The following DMXL1 variants were observed in gnomAD, a reference collection of about 807,000 sequenced individuals.
The protein encoded by DMXL1 is Dmx like 1.
A neutral mutation model predicts 319.2 loss-of-function variants in DMXL1; 99 were observed. The observed-to-expected ratio is 0.31, with a 90% CI of 0.26 to 0.37. The LOEUF is 0.37. Among genes scored for constraint, DMXL1 ranks in the 10% least tolerant of loss-of-function variants. The probability of loss-of-function intolerance (pLI) is 1.00; values close to 1 mark genes in which losing one functional copy is unlikely to be tolerated. For synonymous variants in DMXL1, 1,385 were observed against 1,235.2 expected, an observed-to-expected ratio of 1.12 and a Z score of -2.54; for missense variants, 3,745 against 3,595.6, an observed-to-expected ratio of 1.04 and a Z score of -1.06.
chr5:119,133,566 A>T lies in DMXL1; in HGVS notation c.1642A>T (p.Met548Leu). 1.9e-6 allele frequency: 3 copies of T among 1,614,200 alleles called. No homozygotes were observed. The highest frequency in any genetic ancestry group is 2.5e-6 in the Non-Finnish European group (3 of 1,180,038). ...DANSLCKSIMMYACTKNVDLA... is the reference protein window; with the variant it reads ...DANSLCKSIMLYACTKNVDLA... ...AAACTCTCTCTGTAAAAGCATAATG[A>T]TGTATGCCTGTACCAAGAATGTTGA... is the stretch of plus-strand genomic sequence containing the variant. Residue 548 changes from methionine (M) to leucine (L), a missense_variant, in exon 12 of 44, where the codon ATG (methionine) becomes TTG (leucine). By Grantham distance (15) the Met-to-Leu change is conservative. Coordinates refer to ENST00000539542, the MANE Select transcript of DMXL1 (RefSeq NM_001290321.3).
At chr5:119,132,695 G>A (rs1302473406) in intron 10 of DMXL1, 5 of 448,878 alleles carry the variant, frequency 1.1e-5, no homozygotes, top group Non-Finnish European at 2.2e-5. Context: ...AAAAAATGGA[G>A]CAAGTCCCTT....
intron 43 of DMXL1, among the ~76,000 whole-genome samples, chr5:119,245,718 T>G (rs1789626947): frequency 6.6e-6 from 1 of 151,962 alleles, no homozygotes; most frequent in South Asian, 2.1e-4. Context: ...TTTTTGTGTT[T>G]TAGTAGAGAT....
rs889096691 is a variant in DMXL1, at chr5:119,081,670, A to C, written c.87+10014A>C. On this transcript the variant is annotated intron_variant, in intron 1 of 43. Transcript: ENST00000539542. ...CCGCAGAAACAAAGATTGAAGACCA[A>C]CTTAGACTTTACCAATTTTAACCAG... 5.1e-6 allele frequency: 5 copies of C among 985,238 alleles called. No homozygotes were observed. The African/African-American group carries it at 8.7e-5, about 17-fold the overall frequency. The allele number at this position is 985,238 out of a possible 1,614,324, so 61.0% of individuals were successfully genotyped here. A position where few individuals can be genotyped will look rare whatever the true frequency, so the allele number is the denominator to read the frequency against.
intron 9 of DMXL1, among the ~76,000 whole-genome samples, chr5:119,122,713 G>A (rs1045055177): frequency 1.3e-5 from 2 of 151,694 alleles, no homozygotes; most frequent in African/African-American, 2.4e-5. Flanking sequence ...CGGGGCGGCG[G>A]GGCAGAGACG....
intron 7 of DMXL1, among the ~76,000 whole-genome samples, chr5:119,117,817 A>C (rs1037602530): frequency 6.6e-6 from 1 of 152,226 alleles, no homozygotes; most frequent in African/African-American, 2.4e-5. Context: ...CTGTTCTGCA[A>C]CTTCTTTTTT....
At position 119,105,231 on chromosome 5, in the gene DMXL1, G is replaced by A; in HGVS notation, c.337G>A (p.Ala113Thr). The A allele has an allele frequency of 6.2e-7, 1 of 1,613,028 alleles. No individual in the cohort carries two copies. The highest frequency in any genetic ancestry group is 8.5e-7 in the Non-Finnish European group (1 of 1,179,250). ...TGGCCAATTTTTTCTGGAATCAATA[G>A]CACACAATATAACCTGGGATCCCAC... Reference protein sequence around the residue: ...KSGQFFLESIAHNITWDPTGS... With the variant: ...KSGQFFLESITHNITWDPTGS... The change falls in exon 4 of 44, where the codon GCA (alanine) becomes ACA (threonine). Residue 113 changes from alanine (A) to threonine (T), a missense_variant. Physicochemically the swap from Ala to Thr is moderately conservative, Grantham distance 58 (BLOSUM62 0). This residue lies in a region of DMXL1 where 2,096 missense variants were observed against 1,985.4 expected (regional missense o/e 1.06). Transcript: ENST00000539542.
intron 5 of DMXL1, among the ~76,000 whole-genome samples, chr5:119,110,605 T>C (rs1430509520): frequency 6.6e-6 from 1 of 152,206 alleles, no homozygotes; most frequent in Non-Finnish European, 1.5e-5. Flanking sequence ...AGAAATCTAT[T>C]TTTCCCACAT....
intron 1 of DMXL1, among the ~76,000 whole-genome samples, chr5:119,084,388 G>A (rs1752878624): frequency 6.6e-6 from 1 of 152,108 alleles, no homozygotes; most frequent in African/African-American, 2.4e-5. Flanking sequence ...CCAAAATGTT[G>A]GGATTTCAGG....
chr5:119,122,312 G>A (rs1435847352), intron 9 of DMXL1, among the ~76,000 whole-genome samples: 2 of 147,280 alleles, frequency 1.4e-5, no homozygotes, highest in Admixed American at 6.7e-5. Context: ...CGGGCGGGGG[G>A]CTGACCCCCC....
At chr5:119,085,481 C>G (rs577865247) in intron 1 of DMXL1, among the ~76,000 whole-genome samples, 217 of 152,102 alleles carry the variant, frequency 1.4e-3, no homozygotes, top group African/African-American at 4.8e-3. Context: ...ATGGTGTATG[C>G]TATTCTATAC....
intron 4 of DMXL1, among the ~76,000 whole-genome samples, chr5:119,108,204 A>C (rs1221576209): frequency 6.6e-6 from 1 of 152,170 alleles, no homozygotes; most frequent in African/African-American, 2.4e-5. Flanking sequence ...CTCTTCAAAA[A>C]ATTTAAAAAA....
At chr5:119,092,694 C>G (rs1047806185) in intron 1 of DMXL1, among the ~76,000 whole-genome samples, 2 of 152,148 alleles carry the variant, frequency 1.3e-5, no homozygotes, top group African/African-American at 4.8e-5. Flanking sequence ...CTTACAGCCA[C>G]TTACATTGCT....
intron 6 of DMXL1, 30 bp downstream of exon 6, chr5:119,114,571 A>G (rs1242630003): frequency 1.3e-6 from 2 of 1,481,714 alleles, no homozygotes; most frequent in East Asian, 2.3e-5. Context: ...TTGCCAAATT[A>G]TGTGTTTATA....
chr5:119,148,922 A>G lies in DMXL1; in HGVS notation c.3095A>G (p.Asp1032Gly). ...GAAGAATGGCCATTACTTATTGAAG[A>G]TGGACTTCAGAGCAATAGTAGTATA... Reference protein sequence around the residue: ...IWEEWPLLIEDGLQSNSSITV... With the variant: ...IWEEWPLLIEGGLQSNSSITV... Residue 1032 changes from aspartate to glycine, a missense_variant, in exon 18 of 44, where the codon GAT becomes GGT. Coordinates refer to ENST00000539542, the MANE Select transcript of DMXL1 (RefSeq NM_001290321.3). The G allele has an allele frequency of 6.2e-7, 1 of 1,613,908 alleles. No homozygotes were observed. The highest frequency in any genetic ancestry group is 8.5e-7 in the Non-Finnish European group (1 of 1,179,828).
intron 30 of DMXL1, 43 bp downstream of exon 30, chr5:119,194,013 T>C (rs544180341): frequency 3.8e-6 from 5 of 1,331,486 alleles, no homozygotes; most frequent in Non-Finnish European, 4.0e-6. Context: ...AAAATAATGG[T>C]GTATATAAAT....
Position 119,237,283 on chromosome 5 carries a change from A to G in DMXL1, c.8467-39A>G, listed in dbSNP as rs367965726. The G allele has an allele frequency of 2.6e-5, 33 of 1,249,398 alleles. No homozygotes were observed. In the African/African-American group the frequency reaches 3.8e-4, roughly 14 times the overall value. 77.4% of individuals were successfully genotyped at this position (1,249,398 alleles called of 1,614,324 possible). On this transcript the variant is annotated intron_variant, in intron 39 of 43. Coordinates refer to ENST00000539542, the MANE Select transcript of DMXL1 (RefSeq NM_001290321.3). ...GGTAAGGATAAATATATGCTTTTAT[A>G]TTTATATTAAATACTTTTAAATATT...
chr5:119,134,721 A>G (rs1055072662), intron 13 of DMXL1, among the ~76,000 whole-genome samples: 1 of 152,228 alleles, frequency 6.6e-6, no homozygotes, highest in African/African-American at 2.4e-5. Context: ...GAGGAGCTGG[A>G]ACAACAGGAA....
Position 119,098,832 on chromosome 5 carries a change from G to A in DMXL1, c.213+728G>A, listed in dbSNP as rs182365248. 3.3e-5 allele frequency among the ~76,000 whole-genome samples: 5 copies of A among 152,208 alleles called. No homozygotes were observed. In the East Asian group the frequency reaches 5.8e-4, roughly 18 times the overall value. Reference sequence around the variant, plus strand: ...TTGTAGCTAGACTGGACTGAACTTCGCAAATACACTCATATGATTCCACTA... The same window carrying A: ...TTGTAGCTAGACTGGACTGAACTTCACAAATACACTCATATGATTCCACTA... On this transcript the variant is annotated intron_variant, in intron 2 of 43. Transcript: ENST00000539542.
intron 8 of DMXL1, among the ~76,000 whole-genome samples, chr5:119,120,092 A>G (rs1480068345): frequency 1.3e-5 from 2 of 151,728 alleles, no homozygotes; most frequent in Non-Finnish European, 2.9e-5. Context: ...TGTTGGCTCA[A>G]GTAATCCTCC....
Sources: gnomAD v4.1 joint callset for allele counts (sites outside exome capture counted in the v4.1 genomes callset) on GRCh38, gnomAD v4.1.1 for gene constraint, gnomAD v4.1.1 regional missense constraint, MANE v1.5 for transcripts, NCBI Gene and HGNC (gene_info 2026-07-23, HGNC 2026-07-21) for gene names.